The following TCTN3 variants were observed in gnomAD, a reference collection of about 807,000 sequenced individuals.
The protein encoded by TCTN3 is tectonic-3.
Under a neutral mutation model 71.3 loss-of-function variants are expected in TCTN3, and 57 were observed. The ratio of observed to expected loss-of-function variants is 0.80; its 90% CI spans 0.65 to 1.00. The LOEUF (loss-of-function observed/expected upper bound fraction) is 1.00. TCTN3 is among the 50% of genes least tolerant of loss of function. The probability of loss-of-function intolerance (pLI) is 0.00; values close to 1 mark genes in which losing one functional copy is unlikely to be tolerated. For missense variants in TCTN3, 696 were observed against 719.9 expected, an observed-to-expected ratio of 0.97 and a Z score of 0.38; for synonymous variants, 258 against 267.8, an observed-to-expected ratio of 0.96 and a Z score of 0.36.
At chr10:95,686,634 G>C in intron 6 of TCTN3, 104 bp from the exon 7 acceptor site, 1 of 1,085,398 alleles carries the variant, frequency 9.2e-7, no homozygotes, top group Non-Finnish European at 1.4e-6. Flanking sequence ...GGCGGGCAGG[G>C]GAGTCAATAT....
chr10:95,680,359 G>C, intron 13 of TCTN3, 113 bp downstream of exon 13: 1 of 1,179,918 alleles, frequency 8.5e-7, no homozygotes, highest in Non-Finnish European at 1.2e-6. Context: ...ACAAACATTG[G>C]TTGCTAACAT....
rs1327164893 is a variant in TCTN3 at position 95,663,600 on chromosome 10, G to A, written c.*467C>T. ...TGCCCAGATGTTGGCAAAGGAACCA[G>A]ACAAAATCAACAGCCAGCAGTTTTC... On this transcript the variant is annotated 3_prime_UTR_variant, in exon 14 of 14. Coordinates refer to ENST00000371217, the MANE Select transcript of TCTN3 (RefSeq NM_015631.6). 1 of 158,174 alleles carries A rather than the reference G, an allele frequency of 6.3e-6. No individual in the cohort carries two copies. Among genetic ancestry groups the A allele is most frequent in the Non-Finnish European group, 1.4e-5 (1 of 71,426 alleles). 9.8% of individuals were successfully genotyped at this position (158,174 alleles called of 1,614,324 possible). A position where few individuals can be genotyped will look rare whatever the true frequency, so the allele number is the denominator to read the frequency against.
At position 95,693,335 on chromosome 10, in the gene TCTN3, C is replaced by T. The variant is rs2097955444; in HGVS notation, c.380+18G>A. 6.4e-7 allele frequency: 1 copy of T among 1,551,678 alleles called. No homozygotes were observed. The highest frequency in any genetic ancestry group is 1.2e-5 in the South Asian group (1 of 84,032). The stretch of plus-strand genomic sequence containing the variant: ...GCCCCAAACCCCTTTAGGATTCAGT[C>T]TGAGCAACGAAGCTCACCTTACGCT... On this transcript the variant is annotated intron_variant, in intron 2 of 13. Transcript: ENST00000371217.
chr10:95,669,678 T>A (rs1354627992), intron 13 of TCTN3, among the ~76,000 whole-genome samples: 2 of 152,120 alleles, frequency 1.3e-5, no homozygotes, highest in African/African-American at 2.4e-5. Flanking sequence ...TTTTTTTTTT[T>A]AAACAAATGA....
intron 13 of TCTN3, among the ~76,000 whole-genome samples, chr10:95,673,486 C>T (rs1239718111): frequency 2.0e-5 from 3 of 151,830 alleles, no homozygotes; most frequent in Non-Finnish European, 4.4e-5. Context: ...TTTTTGGTTA[C>T]AGGGATGAGC....
rs10678463 is a variant in TCTN3 at position 95,674,822 on chromosome 10, A to AGAATGAATGAAT, written c.1590+5638_1590+5649dup. Among the ~76,000 whole-genome samples the AGAATGAATGAAT allele has an allele frequency of 1.7e-3, 256 of 150,806 alleles. 1 individual carries two copies. Among genetic ancestry groups the AGAATGAATGAAT allele is most frequent in the Middle Eastern group, 3.4e-3 (1 of 292 alleles). ...AGTGACAGAGCGAGACCCCATCTCT[A>AGAATGAATGAAT]GAATGAATGAATGAATGAATGAATG... is the stretch of plus-strand genomic sequence containing the variant. On this transcript the variant is annotated intron_variant, in intron 13 of 13. Coordinates refer to ENST00000371217, the MANE Select transcript of TCTN3 (RefSeq NM_015631.6).
chr10:95,676,493 C>T (rs373266479), intron 13 of TCTN3, among the ~76,000 whole-genome samples: 17 of 152,222 alleles, frequency 1.1e-4, no homozygotes, highest in African/African-American at 4.1e-4. Flanking sequence ...GTGTGAGTCA[C>T]CGCGCCCGGC....
chr10:95,687,310 T>G lies in TCTN3; in HGVS notation c.673A>C (p.Ser225Arg), dbSNP rs1479592546. Reference protein sequence around the residue: ...LTYFPKWSVISLLRQPAGVGA... With the variant: ...LTYFPKWSVIRLLRQPAGVGA... ...ACTCCTGCAGGTTGTCTCAGCAAGC[T>G]TATTACAGACCACTTGGGGAAGTAA... The change falls in exon 5 of 14, where the codon AGC (serine) becomes CGC (arginine). Residue 225 changes from serine to arginine, a missense_variant. Coordinates refer to ENST00000371217, the MANE Select transcript of TCTN3 (RefSeq NM_015631.6). 1 of 1,614,048 alleles carries G rather than the reference T, an allele frequency of 6.2e-7. No individual in the cohort carries two copies. The highest frequency in any genetic ancestry group is 1.3e-5 in the African/African-American group (1 of 74,924).
chr10:95,692,851 G>C, intron 3 of TCTN3, 69 bp downstream of exon 3: 1 of 1,121,566 alleles, frequency 8.9e-7, no homozygotes, highest in Non-Finnish European at 1.4e-6. Context: ...CTTCCAATGT[G>C]GGCCAGGGAA....
chr10:95,685,676 G>A (rs1386592461), intron 7 of TCTN3, 40 bp from the exon 8 acceptor site: 26 of 1,479,718 alleles, frequency 1.8e-5, no homozygotes, highest in South Asian at 3.6e-5. Flanking sequence ...AACTGAAGGC[G>A]GTATTTTGTC....
intron 13 of TCTN3, among the ~76,000 whole-genome samples, chr10:95,665,262 C>T (rs902271768): frequency 2.6e-5 from 4 of 152,104 alleles, no homozygotes; most frequent in African/African-American, 9.7e-5. Flanking sequence ...GAGTGCACAA[C>T]CACACCTGGC....
chr10:95,669,687 G>A (rs1039755063), intron 13 of TCTN3, among the ~76,000 whole-genome samples: 1 of 152,064 alleles, frequency 6.6e-6, no homozygotes, highest in Non-Finnish European at 1.5e-5. Context: ...TTAAACAAAT[G>A]AGGGGAGATT....
intron 1 of TCTN3, 64 bp from the exon 2 acceptor site, chr10:95,693,540 T>G (rs2139767888): frequency 6.5e-7 from 1 of 1,549,772 alleles, no homozygotes; most frequent in African/African-American, 1.4e-5. Flanking sequence ...GTGCTCACCC[T>G]CCTTCTTCCG....
chr10:95,668,374 T>A (rs1035388714), intron 13 of TCTN3, among the ~76,000 whole-genome samples: 3 of 151,606 alleles, frequency 2.0e-5, no homozygotes, highest in African/African-American at 7.3e-5. Context: ...GTATAATGAA[T>A]GAAGAAAAGA....
chr10:95,682,928 T>C (rs112785293), intron 11 of TCTN3, 124 bp from the exon 12 acceptor site: 4 of 1,363,114 alleles, frequency 2.9e-6, no homozygotes, highest in South Asian at 1.4e-5. Flanking sequence ...TAATCCTTAG[T>C]AGGTATTAAC....
At position 95,687,103 on chromosome 10, in the gene TCTN3, T is replaced by C; in HGVS notation, c.793A>G (p.Ser265Gly). The C allele has an allele frequency of 6.2e-7, 1 of 1,614,236 alleles. No individual in the cohort carries two copies. The highest frequency in any genetic ancestry group is 8.5e-7 in the Non-Finnish European group (1 of 1,180,032). ...CTRFFKNLAS[S>G]CTLDSALNAA... ...TTGAGGGCTGAATCCAAGGTACAGC[T>C]ACTAGCCAGGTTCTTGAAAAAACGA... Residue 265 changes from serine to glycine, a missense_variant, in exon 6 of 14, where the codon AGC (serine) becomes GGC (glycine). Physicochemically the swap from Ser to Gly is moderately conservative, Grantham distance 56. Coordinates refer to ENST00000371217, the MANE Select transcript of TCTN3 (RefSeq NM_015631.6).
chr10:95,688,956 T>C (rs1334959095), intron 3 of TCTN3, among the ~76,000 whole-genome samples: 1 of 152,228 alleles, frequency 6.6e-6, no homozygotes, highest in African/African-American at 2.4e-5. Flanking sequence ...TCATTCTTCA[T>C]ATAAGTAATG....
intron 3 of TCTN3, among the ~76,000 whole-genome samples, chr10:95,692,133 T>A (rs2097954067): frequency 6.6e-6 from 1 of 152,236 alleles, no homozygotes; most frequent in Non-Finnish European, 1.5e-5. Flanking sequence ...TCTGTGATTA[T>A]CTGAGTTAAG....
At chr10:95,667,212 C>T (rs532689268) in intron 13 of TCTN3, among the ~76,000 whole-genome samples, 1 of 152,262 alleles carries the variant, frequency 6.6e-6, no homozygotes, top group South Asian at 2.1e-4. Context: ...TTCGGAGTCA[C>T]CCAGAATATG....
Sources: allele counts gnomAD v4.1 joint callset (sites outside exome capture counted in the v4.1 genomes callset), GRCh38; gene constraint gnomAD v4.1.1; transcripts MANE v1.5; gene names NCBI Gene and HGNC (gene_info 2026-07-23, HGNC 2026-07-21).